NELL2: variants seen among roughly 807,000 people sequenced by gnomAD.
NELL2 encodes the protein protein kinase C-binding protein NELL2.
A neutral mutation model predicts 109.6 loss-of-function variants in NELL2; 41 were observed. That is an observed-to-expected ratio of 0.37 (90% confidence interval 0.29 to 0.49). The LOEUF (loss-of-function observed/expected upper bound fraction) is 0.49. NELL2 is among the 20% of genes least tolerant of loss of function. The pLI is 0.98. For missense variants in NELL2, 900 were observed against 1,008.3 expected (o/e 0.89, Z 1.45); for synonymous variants, 355 against 344.7 (o/e 1.03, Z -0.33).
At chr12:44,867,600 C>T (rs1011538055) in intron 2 of NELL2, among the ~76,000 whole-genome samples, 10 of 152,182 alleles carry the variant, frequency 6.6e-5, no homozygotes, top group African/African-American at 2.4e-4. Context: ...CACTTCTATT[C>T]AACATAGTAC....
chr12:44,702,697 A>G (rs773721825), intron 12 of NELL2, among the ~76,000 whole-genome samples: 5 of 152,204 alleles, frequency 3.3e-5, no homozygotes, highest in African/African-American at 4.8e-5. Flanking sequence ...AAGGGAAGCC[A>G]TATTTCTTTT....
At chr12:44,611,095 T>C in intron 13 of NELL2, 125 bp from the exon 14 acceptor site, 1 of 904,284 alleles carries the variant, frequency 1.1e-6, no homozygotes, top group Non-Finnish European at 1.7e-6. Context: ...AAATTATAAA[T>C]TATAGAAGAG....
At chr12:44,718,704 G>T (rs756206258) in intron 9 of NELL2, among the ~76,000 whole-genome samples, 22 of 152,202 alleles carry the variant, frequency 1.4e-4, no homozygotes, top group Non-Finnish European at 2.9e-4. Flanking sequence ...CTTCTAGGGA[G>T]ATGTACTTAA....
At chr12:44,582,646 T>G (rs1468727316) in intron 15 of NELL2, among the ~76,000 whole-genome samples, 1 of 151,102 alleles carries the variant, frequency 6.6e-6, no homozygotes, top group Non-Finnish European at 1.5e-5. Context: ...TAGTTATAGG[T>G]GAGGATAAGG....
At chr12:44,802,571 T>C (rs1942867838) in intron 3 of NELL2, among the ~76,000 whole-genome samples, 1 of 152,104 alleles carries the variant, frequency 6.6e-6, no homozygotes, top group South Asian at 2.1e-4. Flanking sequence ...GGGAATAAGA[T>C]GTTATTTTCC....
chr12:44,537,016 CAAA>C (rs34872244), intron 15 of NELL2, among the ~76,000 whole-genome samples: 3 of 107,786 alleles, frequency 2.8e-5, no homozygotes, highest in Non-Finnish European at 5.7e-5. Context: ...AAACAAAAAC[CAAA>C]AAAAAAAAAA....
At chr12:44,904,404 A>G (rs985685858) in intron 1 of NELL2, among the ~76,000 whole-genome samples, 6 of 152,156 alleles carry the variant, frequency 3.9e-5, no homozygotes, top group African/African-American at 1.4e-4. Context: ...GTGATACTCA[A>G]CGCTTGCAGG....
At chr12:44,873,327 C>T (rs1244453420) in intron 2 of NELL2, among the ~76,000 whole-genome samples, 1 of 152,070 alleles carries the variant, frequency 6.6e-6, no homozygotes, top group Non-Finnish European at 1.5e-5. Flanking sequence ...ATGGACAATT[C>T]AAACAAAACA....
At chr12:44,602,705 G>T (rs1050392588) in intron 15 of NELL2, among the ~76,000 whole-genome samples, 2 of 151,910 alleles carry the variant, frequency 1.3e-5, no homozygotes, top group Admixed American at 6.6e-5. Flanking sequence ...ACTGTTCTGA[G>T]AATTTTCCCT....
intron 15 of NELL2, among the ~76,000 whole-genome samples, chr12:44,544,294 T>C (rs1942702510): frequency 6.6e-6 from 1 of 152,166 alleles, no homozygotes; most frequent in Admixed American, 6.5e-5. Flanking sequence ...TGATAATGTC[T>C]GAAATTGATC....
intron 15 of NELL2, among the ~76,000 whole-genome samples, chr12:44,553,485 TCTC>T (rs1445403631): frequency 6.6e-6 from 1 of 152,054 alleles, no homozygotes; most frequent in Non-Finnish European, 1.5e-5. Flanking sequence ...AAAGTGCTCT[TCTC>T]CTATTTTTTT....
intron 3 of NELL2, among the ~76,000 whole-genome samples, chr12:44,811,337 T>TGAAA (rs372053673): frequency 9.7e-6 from 1 of 103,210 alleles, no homozygotes; most frequent in Non-Finnish European, 1.8e-5. Flanking sequence ...GAACTAAAAG[T>TGAAA]AAAAAAAAAA....
chr12:44,875,713 A>T (rs1945298940), intron 1 of NELL2, 102 bp downstream of exon 1: 1 of 1,606,128 alleles, frequency 6.2e-7, no homozygotes, highest in Non-Finnish European at 8.5e-7. Context: ...CCCACTCCAG[A>T]CCTACTTTGG....
At chr12:44,744,840 C>T (rs969339666) in intron 9 of NELL2, among the ~76,000 whole-genome samples, 4 of 152,136 alleles carry the variant, frequency 2.6e-5, no homozygotes, top group Non-Finnish European at 4.4e-5. Context: ...AAGTCCAGGA[C>T]CAGATGGATT....
chr12:44,744,815 C>T (rs567173323), intron 9 of NELL2, among the ~76,000 whole-genome samples: 226 of 152,300 alleles, frequency 1.5e-3, no homozygotes, highest in African/African-American at 5.1e-3. Flanking sequence ...TAATCAATAG[C>T]TTACCAACCA....
chr12:44,705,762 G>A (rs370373275), intron 11 of NELL2, among the ~76,000 whole-genome samples: 10 of 152,202 alleles, frequency 6.6e-5, no homozygotes, highest in South Asian at 6.2e-4. Flanking sequence ...TACTCCTTAA[G>A]ATACACAGAG....
chr12:44,678,516 G>A (rs535202011), intron 12 of NELL2, among the ~76,000 whole-genome samples: 2 of 152,102 alleles, frequency 1.3e-5, no homozygotes, highest in East Asian at 1.9e-4. Flanking sequence ...GATACCAAAA[G>A]GTAGAGGTAG....
intron 1 of NELL2, among the ~76,000 whole-genome samples, chr12:44,886,845 A>G (rs570785782): frequency 6.6e-6 from 1 of 152,096 alleles, no homozygotes; most frequent in Non-Finnish European, 1.5e-5. Context: ...CTGATAAGCA[A>G]CAATATAATC....
chr12:44,648,498 G>A (rs927563860), intron 13 of NELL2, among the ~76,000 whole-genome samples: 1 of 151,952 alleles, frequency 6.6e-6, no homozygotes, highest in Non-Finnish European at 1.5e-5. Context: ...CTACTAAGGT[G>A]TGTGAGTGTT....
Sources: allele counts gnomAD v4.1 joint callset (sites outside exome capture counted in the v4.1 genomes callset), GRCh38; gene constraint gnomAD v4.1.1; transcripts MANE v1.5; gene names NCBI Gene and HGNC (gene_info 2026-07-23, HGNC 2026-07-21).